Variants in TCF7L2 observed in about 807,000 individuals in gnomAD.
TCF7L2 encodes the protein transcription factor 7-like 2.
TCF7L2 carries 23 observed loss-of-function variants against 77.9 expected under a neutral mutation model. The observed-to-expected ratio is 0.30, with a 90% CI of 0.21 to 0.42. The LOEUF is 0.42. Ranked by LOEUF, TCF7L2 falls within the 10% of genes least tolerant of loss-of-function variation. The pLI is 1.00. For missense variants in TCF7L2, 654 were observed against 793.1 expected (o/e 0.82, Z 2.11); for synonymous variants, 413 against 340.2 (o/e 1.21, Z -2.36).
intron 13 of TCF7L2, 138 bp from the exon 15 acceptor site, chr10:113,165,417 A>G: frequency 2.1e-6 from 2 of 947,596 alleles, no homozygotes; most frequent in South Asian, 1.6e-5. Flanking sequence ...CGCCACTGTA[A>G]TTGTCCTCGG....
At chr10:112,964,739 A>ATGATGATGATGG (rs1227924366) in intron 4 of TCF7L2, 115 bp downstream of exon 4, 1 of 575,334 alleles carries the variant, frequency 1.7e-6, no homozygotes, top group Admixed American at 3.1e-5. Flanking sequence ...GATGATGATG[A>ATGATGATGATGG]TGGTGGTGGT....
intron 4 of TCF7L2, among the ~76,000 whole-genome samples, chr10:113,037,610 A>G (rs1215425114): frequency 1.3e-5 from 2 of 152,230 alleles, no homozygotes; most frequent in East Asian, 1.9e-4. Flanking sequence ...AGTAAGAATT[A>G]TAAGTCTCCA....
chr10:112,965,949 G>A (rs1413070506), intron 4 of TCF7L2, among the ~76,000 whole-genome samples: 24 of 151,544 alleles, frequency 1.6e-4, no homozygotes, highest in Admixed American at 1.6e-3. Context: ...TGAGGCGGGC[G>A]GATCACTTGA....
intron 5 of TCF7L2, among the ~76,000 whole-genome samples, chr10:113,097,458 G>A (rs1172154377): frequency 1.3e-5 from 2 of 151,950 alleles, no homozygotes; most frequent in Non-Finnish European, 2.9e-5. Context: ...TTCGAGACCA[G>A]CCTGGCCAAC....
At chr10:112,958,475 A>G (rs2034249726) in intron 3 of TCF7L2, among the ~76,000 whole-genome samples, 1 of 151,812 alleles carries the variant, frequency 6.6e-6, no homozygotes, top group Admixed American at 6.6e-5. Context: ...AAACCGATAA[A>G]TCACTTGCAT....
intron 5 of TCF7L2, among the ~76,000 whole-genome samples, chr10:113,088,188 C>A (rs1453897703): frequency 6.6e-6 from 1 of 151,812 alleles, no homozygotes; most frequent in African/African-American, 2.4e-5. Flanking sequence ...GTGAAATCGC[C>A]CTTCTTGGAC....
At chr10:113,145,962 C>CA in intron 7 of TCF7L2, 49 bp from the exon 8 acceptor site, 1 of 1,222,898 alleles carries the variant, frequency 8.2e-7, no homozygotes, top group Non-Finnish European at 1.2e-6. Context: ...TTCTTGTCCC[C>CA]ACCCCCACCC....
intron 5 of TCF7L2, among the ~76,000 whole-genome samples, chr10:113,128,172 G>T (rs1310074155): frequency 6.6e-6 from 1 of 152,090 alleles, no homozygotes; most frequent in African/African-American, 2.4e-5. Context: ...ACCATGTAAA[G>T]GGAATGGCAG....
intron 4 of TCF7L2, among the ~76,000 whole-genome samples, chr10:112,982,234 T>A (rs115493006): frequency 0.03 from 4,534 of 151,940 alleles, 198 homozygotes; most frequent in African/African-American, 0.095. Context: ...CTTTTTTTTT[T>A]AAAAAATAAC....
chr10:113,072,474 C>A (rs2058153388), intron 5 of TCF7L2, among the ~76,000 whole-genome samples: 1 of 152,208 alleles, frequency 6.6e-6, no homozygotes, highest in Non-Finnish European at 1.5e-5. Flanking sequence ...CCAGCCTCAG[C>A]CTCCTGAGTA....
At chr10:113,145,964 C>T (rs768826309) in intron 7 of TCF7L2, 47 bp from the exon 8 acceptor site, 2 of 1,119,098 alleles carry the variant, frequency 1.8e-6, no homozygotes, top group East Asian at 2.5e-5. Flanking sequence ...CTTGTCCCCA[C>T]CCCCACCCTT....
chr10:113,106,237 C>G (rs2062303869), intron 5 of TCF7L2, among the ~76,000 whole-genome samples: 1 of 152,174 alleles, frequency 6.6e-6, no homozygotes, highest in African/African-American at 2.4e-5. Flanking sequence ...ATTGTGAGAG[C>G]AGACTGATAA....
chr10:112,964,180 A>T (rs535514587), intron 3 of TCF7L2, among the ~76,000 whole-genome samples: 1 of 152,174 alleles, frequency 6.6e-6, no homozygotes, highest in East Asian at 1.9e-4. Flanking sequence ...ACATGTTGCA[A>T]TTCTGATGAC....
At chr10:112,993,418 A>G (rs969351024) in intron 4 of TCF7L2, among the ~76,000 whole-genome samples, 2 of 152,034 alleles carry the variant, frequency 1.3e-5, no homozygotes, top group Non-Finnish European at 2.9e-5. Context: ...AGGCATGAGA[A>G]TCACTGGAAC....
intron 4 of TCF7L2, among the ~76,000 whole-genome samples, chr10:112,992,059 C>G (rs778972304): frequency 6.6e-6 from 1 of 152,178 alleles, no homozygotes; most frequent in Non-Finnish European, 1.5e-5. Flanking sequence ...CATGTCTGAA[C>G]AAGAGCTCCG....
intron 5 of TCF7L2, among the ~76,000 whole-genome samples, chr10:113,103,131 G>T (rs553136145): frequency 4.0e-5 from 6 of 151,842 alleles, no homozygotes; most frequent in Admixed American, 1.3e-4. Flanking sequence ...GAAAGTAATT[G>T]TTAGGACTGG....
chr10:113,120,580 T>A (rs2064610129), intron 5 of TCF7L2, among the ~76,000 whole-genome samples: 1 of 152,134 alleles, frequency 6.6e-6, no homozygotes, highest in Non-Finnish European at 1.5e-5. Flanking sequence ...GAGTCTTGGG[T>A]ACTGAGAAAA....
At chr10:113,114,302 A>G (rs2063472795) in intron 5 of TCF7L2, among the ~76,000 whole-genome samples, 1 of 152,242 alleles carries the variant, frequency 6.6e-6, no homozygotes, top group African/African-American at 2.4e-5. Flanking sequence ...TTAAGAACTT[A>G]TTAGCACTGA....
intron 5 of TCF7L2, among the ~76,000 whole-genome samples, chr10:113,122,733 A>G (rs2064995906): frequency 6.6e-6 from 1 of 152,228 alleles, no homozygotes; most frequent in African/African-American, 2.4e-5. Flanking sequence ...TACTAAGATT[A>G]TTAGCGGAAT....
Sources: gnomAD v4.1 joint callset for allele counts (sites outside exome capture counted in the v4.1 genomes callset) on GRCh38, gnomAD v4.1.1 for gene constraint, MANE v1.5 for transcripts, NCBI Gene and HGNC (gene_info 2026-07-23, HGNC 2026-07-21) for gene names.